FREM2: variants seen among roughly 807,000 people sequenced by gnomAD.
FREM2 encodes the protein FRAS1 related extracellular matrix 2.
A neutral mutation model predicts 219.9 loss-of-function variants in FREM2; 119 were observed. The observed-to-expected ratio is 0.54, with a 90% confidence interval of 0.47 to 0.63. The LOEUF is 0.63. Among genes scored for constraint, FREM2 ranks in the 30% least tolerant of loss-of-function variants. FREM2 has a pLI of 0.00. For synonymous variants in FREM2, 1,562 were observed against 1,522.8 expected (o/e 1.03, Z -0.60); for missense variants, 4,030 against 3,993.6 (o/e 1.01, Z -0.25).
intron 16 of FREM2, among the ~76,000 whole-genome samples, chr13:38,867,426 A>T (rs1211009899): frequency 6.6e-6 from 1 of 152,270 alleles, no homozygotes; most frequent in Non-Finnish European, 1.5e-5. Flanking sequence ...TAAAATCCTT[A>T]TTGTAAATTA....
chr13:38,859,172 C>A, intron 13 of FREM2, 115 bp from the exon 14 acceptor site: 1 of 979,272 alleles, frequency 1.0e-6, no homozygotes. Flanking sequence ...GCTGTATAAA[C>A]AGCATGTGGA....
intron 6 of FREM2, among the ~76,000 whole-genome samples, chr13:38,797,647 G>T (rs982653833): frequency 6.6e-6 from 1 of 151,844 alleles, no homozygotes; most frequent in Admixed American, 6.6e-5. Flanking sequence ...TTCTCTCTCT[G>T]TGCTTTTGAA....
At chr13:38,864,222 C>A in intron 15 of FREM2, 53 bp from the exon 16 acceptor site, 1 of 1,418,208 alleles carries the variant, frequency 7.1e-7, no homozygotes, top group Non-Finnish European at 1.0e-6. Flanking sequence ...TTAAAGTGTT[C>A]AAAATTCTTG....
At position 38,864,618 on chromosome 13, in the gene FREM2, T is replaced by C. The variant is rs770995339; in HGVS notation, c.7983+12T>C. 9 of 1,610,910 alleles carry C rather than the reference T, an allele frequency of 5.6e-6. No homozygotes were observed. The African/African-American group carries it at 1.1e-4, about 19-fold the overall frequency. On this transcript the variant is annotated intron_variant, in intron 16 of 23. Coordinates refer to ENST00000280481, the MANE Select transcript of FREM2 (RefSeq NM_207361.6). Reference sequence around the variant, plus strand: ...GAACAGATGGACAGGTACAGATTTATAACATCTGAGTTTGGTCACTGGATA... The same window carrying C: ...GAACAGATGGACAGGTACAGATTTACAACATCTGAGTTTGGTCACTGGATA...
intron 6 of FREM2, among the ~76,000 whole-genome samples, chr13:38,833,879 C>A (rs1002256761): frequency 3.9e-5 from 6 of 152,092 alleles, no homozygotes; most frequent in Non-Finnish European, 7.3e-5. Flanking sequence ...TTTGGCTTCA[C>A]CTACCACTAT....
chr13:38,738,414 A>AT (rs1283790065), intron 2 of FREM2, among the ~76,000 whole-genome samples: 1 of 151,870 alleles, frequency 6.6e-6, no homozygotes, highest in Non-Finnish European at 1.5e-5. Flanking sequence ...GAAAAATACA[A>AT]AATTAGCCAG....
intron 2 of FREM2, among the ~76,000 whole-genome samples, chr13:38,759,705 T>G (rs1435623012): frequency 6.6e-6 from 1 of 152,210 alleles, no homozygotes; most frequent in African/African-American, 2.4e-5. Context: ...GATGACAGAA[T>G]CTATTTTAGA....
rs1489865796 is a variant in FREM2, at chr13:38,687,522, C to T, written c.178C>T (p.Leu60Phe). The change falls in exon 1 of 24, where the codon CTC becomes TTC. Residue 60 changes from leucine (L) to phenylalanine (F), a missense_variant. Leu to Phe is a conservative substitution (Grantham distance 22, BLOSUM62 0). This residue lies in a region of FREM2 where 3,102 missense variants were observed against 2,950.7 expected (regional missense o/e 1.05). Transcript: ENST00000280481. The part of the protein sequence containing the change: ...AFGRALLSPG[L>F]AGAAGVPAEE... Reference sequence around the variant, plus strand: ...CGGCAGGGCGTTGCTGTCCCCTGGTCTCGCGGGGGCTGCAGGGGTCCCTGC... The same window carrying T: ...CGGCAGGGCGTTGCTGTCCCCTGGTTTCGCGGGGGCTGCAGGGGTCCCTGC... The T allele has an allele frequency of 4.4e-6, 7 of 1,598,166 alleles. No individual in the cohort carries two copies. In the South Asian group the frequency reaches 6.8e-5, roughly 15 times the overall value.
chr13:38,880,202 C>A, intron 23 of FREM2, 82 bp from the exon 24 acceptor site: 1 of 1,333,442 alleles, frequency 7.5e-7, no homozygotes, highest in Non-Finnish European at 1.1e-6. Context: ...ATATCTCTGC[C>A]ATTAATTTCT....
intron 6 of FREM2, among the ~76,000 whole-genome samples, chr13:38,806,553 T>TAAATA (rs1283584760): frequency 6.6e-6 from 1 of 151,994 alleles, no homozygotes; most frequent in Non-Finnish European, 1.5e-5. Context: ...TAGTATTGTG[T>TAAATA]CTAAAAATGT....
At chr13:38,875,628 AT>A (rs1353138391) in intron 18 of FREM2, among the ~76,000 whole-genome samples, 8 of 152,246 alleles carry the variant, frequency 5.3e-5, no homozygotes, top group Non-Finnish European at 1.2e-4. Flanking sequence ...CTAATAGACT[AT>A]TTTAAGTTCA....
chr13:38,791,585 G>A (rs1476594852), intron 6 of FREM2, among the ~76,000 whole-genome samples: 1 of 152,168 alleles, frequency 6.6e-6, no homozygotes, highest in African/African-American at 2.4e-5. Flanking sequence ...TGGGGCAGCA[G>A]GAGAGAGTGA....
At chr13:38,743,941 A>G (rs1051732414) in intron 2 of FREM2, among the ~76,000 whole-genome samples, 2 of 152,334 alleles carry the variant, frequency 1.3e-5, no homozygotes, top group Middle Eastern at 3.4e-3. Flanking sequence ...ACAAAGGTAT[A>G]TATGTTTTAT....
At chr13:38,812,294 T>G (rs1875517435) in intron 6 of FREM2, among the ~76,000 whole-genome samples, 1 of 152,166 alleles carries the variant, frequency 6.6e-6, no homozygotes, top group Non-Finnish European at 1.5e-5. Flanking sequence ...CATTTACATT[T>G]AAGGTTATTA....
intron 2 of FREM2, among the ~76,000 whole-genome samples, chr13:38,712,084 C>A (rs1198498655): frequency 6.6e-6 from 1 of 151,780 alleles, no homozygotes; most frequent in African/African-American, 2.4e-5. Flanking sequence ...CCACCCCCAG[C>A]TAATTTTTGT....
intron 11 of FREM2, among the ~76,000 whole-genome samples, chr13:38,855,108 T>C (rs1220017196): frequency 1.3e-5 from 2 of 151,418 alleles, no homozygotes; most frequent in Non-Finnish European, 2.9e-5. Flanking sequence ...TTTAGCAATT[T>C]TGAAATGAGT....
At chr13:38,873,890 C>T (rs946029050) in intron 17 of FREM2, among the ~76,000 whole-genome samples, 1 of 152,230 alleles carries the variant, frequency 6.6e-6, no homozygotes, top group Admixed American at 6.5e-5. Context: ...AATATGATAA[C>T]CCTGAGTTAT....
chr13:38,848,907 G>A (rs1481927787), intron 8 of FREM2, among the ~76,000 whole-genome samples: 1 of 152,106 alleles, frequency 6.6e-6, no homozygotes, highest in Non-Finnish European at 1.5e-5. Flanking sequence ...TGTCAGGGAA[G>A]GAGGTTCCAG....
chr13:38,716,329 T>C (rs757244413), intron 2 of FREM2, among the ~76,000 whole-genome samples: 7 of 150,998 alleles, frequency 4.6e-5, no homozygotes, highest in Non-Finnish European at 1.0e-4. Flanking sequence ...TAGGTACTTA[T>C]GCAAAATTCG....
Sources: allele counts gnomAD v4.1 joint callset (sites outside exome capture counted in the v4.1 genomes callset), GRCh38; gene constraint gnomAD v4.1.1; regional missense constraint gnomAD v4.1.1; transcripts MANE v1.5; gene names NCBI Gene and HGNC (gene_info 2026-07-23, HGNC 2026-07-21).